Variants in LINGO2 observed in about 807,000 individuals in gnomAD.
LINGO2 encodes leucine-rich repeat and immunoglobulin-like domain-containing nogo receptor-interacting protein 2.
LINGO2 carries 14 observed loss-of-function variants against 30.6 expected under a neutral mutation model. The observed-to-expected ratio is 0.46, with a 90% CI of 0.30 to 0.72. The LOEUF (loss-of-function observed/expected upper bound fraction) is 0.72, where lower values mean the gene tolerates loss of function less well. Ranked by LOEUF, LINGO2 falls within the 30% of genes least tolerant of loss-of-function variation. The pLI, the probability that LINGO2 is intolerant of heterozygous loss-of-function variation, is 0.07. For synonymous variants in LINGO2, 317 were observed against 288.5 expected (o/e 1.10, Z -1.00); for missense variants, 729 against 751.7 (o/e 0.97, Z 0.35).
chr9:28,431,362 C>T (rs190032042), intron 2 of LINGO2, among the ~76,000 whole-genome samples: 1 of 151,874 alleles, frequency 6.6e-6, no homozygotes, highest in Admixed American at 6.6e-5. Flanking sequence ...TAGTGTCTGG[C>T]ACAGTAAATA....
At chr9:28,836,827 A>T in the LINGO2 span, among the ~76,000 whole-genome samples, 2 of 152,152 alleles carry the variant, frequency 1.3e-5, no homozygotes, top group African/African-American at 4.8e-5. Flanking sequence ...ATATAATTCT[A>T]TTTAATAAAA....
the LINGO2 span, among the ~76,000 whole-genome samples, chr9:28,826,214 G>T: frequency 2.6e-5 from 4 of 152,244 alleles, no homozygotes; most frequent in South Asian, 8.3e-4. Flanking sequence ...GTTAACTTAG[G>T]AATGATTTCT....
chr9:28,174,029 T>C (rs1828674976), intron 4 of LINGO2, among the ~76,000 whole-genome samples: 1 of 152,148 alleles, frequency 6.6e-6, no homozygotes, highest in Non-Finnish European at 1.5e-5. Flanking sequence ...TCACTACAAA[T>C]AAAGGACTGT....
At chr9:28,266,265 A>G (rs1822746808) in intron 4 of LINGO2, among the ~76,000 whole-genome samples, 2 of 151,990 alleles carry the variant, frequency 1.3e-5, no homozygotes, top group Non-Finnish European at 2.9e-5. Context: ...GTTGTCATCC[A>G]AATGTAGCAC....
the LINGO2 span, among the ~76,000 whole-genome samples, chr9:28,768,957 A>G: frequency 6.6e-6 from 1 of 152,130 alleles, no homozygotes; most frequent in African/African-American, 2.4e-5. Context: ...CCACTTTAAA[A>G]GTGCTCTCAA....
intron 2 of LINGO2, among the ~76,000 whole-genome samples, chr9:28,464,869 T>C (rs531121825): frequency 2.6e-5 from 4 of 152,292 alleles, no homozygotes; most frequent in Admixed American, 1.3e-4. Context: ...TGGAATAATA[T>C]TGAGACAGGA....
the LINGO2 span, among the ~76,000 whole-genome samples, chr9:28,995,294 G>C: frequency 4.6e-5 from 7 of 152,204 alleles, no homozygotes; most frequent in East Asian, 7.7e-4. Flanking sequence ...GGCCATCAGA[G>C]AAATGCAAAT....
intron 4 of LINGO2, among the ~76,000 whole-genome samples, chr9:28,091,572 T>C (rs1182837758): frequency 6.6e-6 from 1 of 152,106 alleles, no homozygotes; most frequent in African/African-American, 2.4e-5. Flanking sequence ...AAAGCTTAAA[T>C]GTTAGACCTA....
chr9:28,080,783 A>G (rs1402241728), intron 4 of LINGO2: 1 of 152,190 alleles, frequency 6.6e-6, no homozygotes, highest in African/African-American at 2.4e-5. Context: ...AGAGAGGTCT[A>G]AAGTGTAGGT....
intron 4 of LINGO2, among the ~76,000 whole-genome samples, chr9:28,081,828 TG>T (rs953961782): frequency 3.4e-5 from 1 of 29,618 alleles, no homozygotes; most frequent in Admixed American, 5.1e-4. Context: ...TGTTAGCAAT[TG>T]TTTTTTTTTC....
intron 4 of LINGO2, among the ~76,000 whole-genome samples, chr9:28,052,789 C>A (rs555204883): frequency 2.6e-5 from 4 of 152,140 alleles, no homozygotes; most frequent in African/African-American, 9.6e-5. Context: ...TCTTAGTTCT[C>A]AAGTACATGA....
chr9:28,753,409 T>C, the LINGO2 span, among the ~76,000 whole-genome samples: 1 of 152,002 alleles, frequency 6.6e-6, no homozygotes, highest in Non-Finnish European at 1.5e-5. Context: ...AGGCTGCAAA[T>C]TGTGAAGGTC....
At chr9:28,600,821 C>A (rs140775956) in intron 1 of LINGO2, among the ~76,000 whole-genome samples, 2 of 152,126 alleles carry the variant, frequency 1.3e-5, no homozygotes, top group East Asian at 3.9e-4. Flanking sequence ...GATTCTTTCT[C>A]AAAGTCTTGT....
intron 1 of LINGO2, among the ~76,000 whole-genome samples, chr9:28,633,714 C>G (rs913355528): frequency 1.3e-5 from 2 of 152,130 alleles, no homozygotes; most frequent in Non-Finnish European, 2.9e-5. Context: ...ACGCTCCTTC[C>G]AACAATAAAC....
the LINGO2 span, among the ~76,000 whole-genome samples, chr9:28,883,637 TATATATATATATATATATATATATATA>T: frequency 9.3e-6 from 1 of 107,934 alleles, no homozygotes; most frequent in African/African-American, 3.3e-5. Flanking sequence ...TGTATATATA[TATATATATATATATATATATATATATA>T]TATATTTGGT....
chr9:28,771,585 AT>A, the LINGO2 span, among the ~76,000 whole-genome samples: 1 of 151,840 alleles, frequency 6.6e-6, no homozygotes, highest in Admixed American at 6.6e-5. Context: ...CAGTAAAACC[AT>A]TTGTGAATTT....
At chr9:28,477,817 T>C (rs898396404) in intron 1 of LINGO2, among the ~76,000 whole-genome samples, 1 of 152,220 alleles carries the variant, frequency 6.6e-6, no homozygotes, top group African/African-American at 2.4e-5. Context: ...CAATGGCTTT[T>C]TATTGCACAT....
the LINGO2 span, among the ~76,000 whole-genome samples, chr9:29,113,734 A>C: frequency 2.6e-5 from 4 of 152,190 alleles, no homozygotes; most frequent in Non-Finnish European, 5.9e-5. Context: ...ACAGACAATT[A>C]AACATGGCTT....
At chr9:28,717,843 T>G in the LINGO2 span, among the ~76,000 whole-genome samples, 2 of 151,970 alleles carry the variant, frequency 1.3e-5, no homozygotes, top group African/African-American at 4.8e-5. Flanking sequence ...AACCTACACC[T>G]CAGTAACTCT....
Sources: gnomAD v4.1 joint callset for allele counts (sites outside exome capture counted in the v4.1 genomes callset) on GRCh38, gnomAD v4.1.1 for gene constraint, MANE v1.5 for transcripts, NCBI Gene and HGNC (gene_info 2026-07-23, HGNC 2026-07-21) for gene names.